ANO6: variants seen among roughly 807,000 people sequenced by gnomAD.
ANO6 encodes the protein anoctamin-6.
A neutral mutation model predicts 117.5 loss-of-function variants in ANO6; 106 were observed. That is an observed-to-expected ratio of 0.90 (90% CI 0.77 to 1.06). The LOEUF is 1.06. ANO6 is among the 50% of genes least tolerant of loss of function. The pLI, the probability that ANO6 is intolerant of heterozygous loss-of-function variation, is 0.00. For missense variants in ANO6, 955 were observed against 1,121.1 expected, an observed-to-expected ratio of 0.85 and a Z score of 2.12; for synonymous variants, 367 against 385.1, an observed-to-expected ratio of 0.95 and a Z score of 0.55.
chr12:45,221,180 C>G (rs942336615), intron 1 of ANO6, among the ~76,000 whole-genome samples: 7 of 152,212 alleles, frequency 4.6e-5, no homozygotes, highest in Admixed American at 3.9e-4. Context: ...TGCTGAACAA[C>G]TACTTGCTTG....
chr12:45,341,443 C>T (rs1592988391), intron 3 of ANO6, among the ~76,000 whole-genome samples: 1 of 152,246 alleles, frequency 6.6e-6, no homozygotes, highest in East Asian at 1.9e-4. Flanking sequence ...TTATCAAGCT[C>T]TTAAAATGAG....
At chr12:45,256,706 C>G (rs1252927862) in intron 1 of ANO6, 2 of 152,166 alleles carry the variant, frequency 1.3e-5, no homozygotes, top group African/African-American at 2.4e-5. Context: ...CTGAACCTTT[C>G]ATTCCTCTTT....
At chr12:45,219,448 A>T (rs375402393) in intron 1 of ANO6, among the ~76,000 whole-genome samples, 1 of 150,778 alleles carries the variant, frequency 6.6e-6, no homozygotes, top group Non-Finnish European at 1.5e-5. Flanking sequence ...CAATTCTCCA[A>T]CCTTAGCCTC....
intron 9 of ANO6, among the ~76,000 whole-genome samples, chr12:45,373,086 A>G (rs1268087133): frequency 6.6e-6 from 1 of 152,080 alleles, no homozygotes; most frequent in Non-Finnish European, 1.5e-5. Flanking sequence ...AACAGACTTT[A>G]AACCAACAAA....
chr12:45,332,135 T>A (rs1446561884), intron 3 of ANO6, among the ~76,000 whole-genome samples: 1 of 152,080 alleles, frequency 6.6e-6, no homozygotes, highest in Non-Finnish European at 1.5e-5. Flanking sequence ...TATAAACAAC[T>A]CCCTGGAACG....
At chr12:45,392,927 G>A (rs1942494726) in intron 12 of ANO6, among the ~76,000 whole-genome samples, 1 of 152,196 alleles carries the variant, frequency 6.6e-6, no homozygotes, top group African/African-American at 2.4e-5. Context: ...AAAAATCAGA[G>A]CATCTCTTCC....
Position 45,402,026 on chromosome 12 carries a change from G to A in ANO6, c.1612+6G>A, listed in dbSNP as rs569920324. On this transcript the variant is annotated splice_donor_region_variant and intron_variant, in intron 13 of 19. Coordinates refer to ENST00000320560, the MANE Select transcript of ANO6 (RefSeq NM_001025356.3). ...AATTATGATTACTAACTTCGGTAAG[G>A]TCCTACTATAGCTTAGGTAACTTCT... The A allele has an allele frequency of 1.5e-3, 2,358 of 1,608,916 alleles. 47 individuals carry two copies. In the South Asian group the frequency reaches 0.024, roughly 16 times the overall value.
intron 1 of ANO6, among the ~76,000 whole-genome samples, chr12:45,261,409 A>G (rs1297569200): frequency 1.3e-5 from 2 of 152,162 alleles, no homozygotes; most frequent in Admixed American, 6.5e-5. Flanking sequence ...AATGATATTG[A>G]TTGGACAACT....
Position 45,401,798 on chromosome 12 carries a change from C to G in ANO6, c.1390C>G (p.Leu464Val). 6.2e-7 allele frequency: 1 copy of G among 1,612,426 alleles called. No individual in the cohort carries two copies. Among genetic ancestry groups the G allele is most frequent in the Middle Eastern group, 1.7e-4 (1 of 6,060 alleles). Residue 464 changes from leucine to valine, a missense_variant, in exon 13 of 20, where the codon CTA becomes GTA. By Grantham distance (32) the Leu-to-Val change is conservative. Transcript: ENST00000320560. ...LCASAVFFWI[L>V]LIIASVIGII... Reference sequence around the variant, plus strand: ...ACTGTGTTTGTTGTGCTTTCAGATCCTATTGATCATCGCTTCAGTTATTGG... The same window carrying G: ...ACTGTGTTTGTTGTGCTTTCAGATCGTATTGATCATCGCTTCAGTTATTGG...
rs751899362 is a variant in ANO6, at chr12:45,403,460, C to G, written c.1804C>G (p.Leu602Val). The change falls in exon 15 of 20, where the codon CTT becomes GTT. Residue 602 changes from leucine (L) to valine (V), a missense_variant. By Grantham distance (32) the Leu-to-Val change is conservative (BLOSUM62 1). Coordinates refer to ENST00000320560, the MANE Select transcript of ANO6 (RefSeq NM_001025356.3). ...CTAGTGTGACCCAGGTGGCTGTCTT[C>G]TTGAACTGACAACTCAGCTGACAAT... is the stretch of plus-strand genomic sequence containing the variant. ...NEECDPGGCL[L>V]ELTTQLTIIM... The G allele has an allele frequency of 1.9e-6, 3 of 1,613,870 alleles. No homozygotes were observed. Among genetic ancestry groups the G allele is most frequent in the Non-Finnish European group, 2.5e-6 (3 of 1,179,780 alleles).
chr12:45,283,845 T>A (rs969820804), intron 1 of ANO6, among the ~76,000 whole-genome samples: 1 of 152,204 alleles, frequency 6.6e-6, no homozygotes, highest in African/African-American at 2.4e-5. Context: ...ATCACTGTTA[T>A]TCCAGCCTGG....
chr12:45,370,938 A>T (rs556928087), intron 9 of ANO6, among the ~76,000 whole-genome samples: 1 of 152,140 alleles, frequency 6.6e-6, no homozygotes, highest in African/African-American at 2.4e-5. Flanking sequence ...CTGCATTTCC[A>T]TCTGAGGTAC....
At chr12:45,369,742 C>T (rs1280481584) in intron 9 of ANO6, among the ~76,000 whole-genome samples, 1 of 151,952 alleles carries the variant, frequency 6.6e-6, no homozygotes, top group Non-Finnish European at 1.5e-5. Context: ...GGAAAGAGTA[C>T]TAATTTACAG....
At chr12:45,394,242 A>C in intron 12 of ANO6, among the ~76,000 whole-genome samples, 1 of 152,172 alleles carries the variant, frequency 6.6e-6, no homozygotes, top group South Asian at 2.1e-4. Flanking sequence ...ATCAAAAGAG[A>C]GACAAAATAG....
chr12:45,284,062 A>G (rs1053198179), intron 1 of ANO6, among the ~76,000 whole-genome samples: 17 of 152,266 alleles, frequency 1.1e-4, no homozygotes, highest in Non-Finnish European at 1.5e-4. Flanking sequence ...GGAAACCTTC[A>G]GAATGAAGAC....
chr12:45,407,041 T>G (rs1417503128), intron 15 of ANO6, among the ~76,000 whole-genome samples: 3 of 152,182 alleles, frequency 2.0e-5, no homozygotes, highest in Non-Finnish European at 4.4e-5. Context: ...GGTGTGTATA[T>G]TTTTCTAAAA....
intron 1 of ANO6, among the ~76,000 whole-genome samples, chr12:45,300,725 CT>C (rs145612092): frequency 1.8e-4 from 28 of 152,222 alleles, no homozygotes; most frequent in African/African-American, 6.7e-4. Context: ...AATCTTTAAG[CT>C]TACTTAAATA....
At chr12:45,341,258 T>C (rs1203234500) in intron 3 of ANO6, among the ~76,000 whole-genome samples, 1 of 152,172 alleles carries the variant, frequency 6.6e-6, no homozygotes, top group Non-Finnish European at 1.5e-5. Context: ...CAATACATAT[T>C]AAAGAACTTA....
intron 15 of ANO6, among the ~76,000 whole-genome samples, chr12:45,404,684 C>A (rs28394415): frequency 6.6e-5 from 10 of 150,748 alleles, no homozygotes; most frequent in Admixed American, 6.6e-4. Context: ...TTCCCCCTGT[C>A]CTCCTCCTCT....
Sources: gnomAD v4.1 joint callset for allele counts (sites outside exome capture counted in the v4.1 genomes callset) on GRCh38, gnomAD v4.1.1 for gene constraint, MANE v1.5 for transcripts, NCBI Gene and HGNC (gene_info 2026-07-23, HGNC 2026-07-21) for gene names.